EHBP1: variants seen among roughly 807,000 people sequenced by gnomAD.
EHBP1 encodes EH domain-binding protein 1.
EHBP1 carries 55 observed loss-of-function variants against 144.0 expected under a neutral mutation model. That is an observed-to-expected ratio of 0.38 (90% CI 0.31 to 0.48). The LOEUF (loss-of-function observed/expected upper bound fraction) is 0.48, where lower values mean the gene tolerates loss of function less well. EHBP1 is among the 20% of genes least tolerant of loss of function. EHBP1 has a pLI of 0.98. For missense variants in EHBP1, 1,200 were observed against 1,364.2 expected (o/e 0.88, Z 1.90); for synonymous variants, 469 against 472.7 (o/e 0.99, Z 0.10).
chr2:62,707,313 G>A lies in EHBP1; in HGVS notation c.104+18G>A. The A allele has an allele frequency of 4.4e-6, 7 of 1,596,118 alleles. No homozygotes were observed. The highest frequency in any genetic ancestry group is 6.0e-6 in the Non-Finnish European group (7 of 1,163,630). On this transcript the variant is annotated intron_variant, in intron 2 of 22. Transcript: ENST00000431489. ...AAGAAATGGTAAGATGTACCTGGAGGTAGATTTTGCTGTGCTGTGGCCTAA... is the reference window on the plus strand; with the variant it reads ...AAGAAATGGTAAGATGTACCTGGAGATAGATTTTGCTGTGCTGTGGCCTAA...
At chr2:62,949,503 T>A (rs547973660) in intron 13 of EHBP1, among the ~76,000 whole-genome samples, 1 of 152,140 alleles carries the variant, frequency 6.6e-6, no homozygotes, top group Non-Finnish European at 1.5e-5. Context: ...GGATATTGTG[T>A]AATAAGGCTA....
intron 19 of EHBP1, among the ~76,000 whole-genome samples, chr2:63,023,092 G>A (rs1448120230): frequency 6.6e-6 from 1 of 152,082 alleles, no homozygotes; most frequent in Non-Finnish European, 1.5e-5. Context: ...GAGAATCGCT[G>A]GAACCCTGGG....
intron 5 of EHBP1, among the ~76,000 whole-genome samples, chr2:62,790,439 G>A (rs1045299338): frequency 6.6e-6 from 1 of 152,070 alleles, no homozygotes; most frequent in Non-Finnish European, 1.5e-5. Flanking sequence ...ATTTGAAGTT[G>A]CATTTTATTA....
intron 1 of EHBP1, among the ~76,000 whole-genome samples, chr2:62,674,694 T>A (rs2033222264): frequency 6.6e-6 from 1 of 152,240 alleles, no homozygotes. Flanking sequence ...GATATTCACA[T>A]AATCCTCACA....
Position 62,773,513 on chromosome 2 carries a change from GTGAA to G in EHBP1, c.312+2128_312+2131del, listed in dbSNP as rs2041823780. Among the ~76,000 whole-genome samples, 11 of 151,968 alleles carry G rather than the reference GTGAA, an allele frequency of 7.2e-5. No homozygotes were observed. The South Asian group carries it at 2.3e-3, about 32-fold the overall frequency. The stretch of plus-strand genomic sequence containing the variant: ...CAATAAATATTTATTGAAGGAGTGA[GTGAA>G]TGAATGGTATAGTTAAACTCTGTGA... On this transcript the variant is annotated intron_variant, in intron 5 of 22. Coordinates refer to ENST00000431489, the MANE Select transcript of EHBP1 (RefSeq NM_001142616.3).
intron 10 of EHBP1, among the ~76,000 whole-genome samples, chr2:62,934,420 T>G (rs1248005176): frequency 6.6e-6 from 1 of 152,230 alleles, no homozygotes; most frequent in Non-Finnish European, 1.5e-5. Context: ...TGATTAACTT[T>G]CCTTTTCTTA....
intron 15 of EHBP1, among the ~76,000 whole-genome samples, chr2:62,979,722 A>G (rs1389663056): frequency 6.6e-6 from 1 of 152,184 alleles, no homozygotes; most frequent in Non-Finnish European, 1.5e-5. Flanking sequence ...ACTTAAAACA[A>G]GATCTTTAGA....
At chr2:62,992,590 G>C (rs2059458043) in intron 16 of EHBP1, among the ~76,000 whole-genome samples, 3 of 152,008 alleles carry the variant, frequency 2.0e-5, no homozygotes, top group Admixed American at 6.6e-5. Flanking sequence ...CGTTGACTTG[G>C]GTTTTAATTT....
chr2:62,709,290 A>G (rs1177661665), intron 2 of EHBP1, among the ~76,000 whole-genome samples: 1 of 152,076 alleles, frequency 6.6e-6, no homozygotes, highest in African/African-American at 2.4e-5. Flanking sequence ...GGGAGAAGAA[A>G]AGGGCTAGAT....
At chr2:62,829,507 CTCCA>C (rs2046624129) in intron 6 of EHBP1, among the ~76,000 whole-genome samples, 1 of 151,474 alleles carries the variant, frequency 6.6e-6, no homozygotes, top group Non-Finnish European at 1.5e-5. Flanking sequence ...TGGTCTCCAA[CTCCA>C]TCCAGGTTGC....
intron 5 of EHBP1, among the ~76,000 whole-genome samples, chr2:62,820,225 GAAAA>G (rs372533264): frequency 2.0e-5 from 2 of 100,668 alleles, no homozygotes; most frequent in Admixed American, 1.0e-4. Context: ...AAAAAAAAAA[GAAAA>G]AAAAAAAAAA....
chr2:62,770,743 A>G (rs2041597705), intron 4 of EHBP1, among the ~76,000 whole-genome samples: 1 of 152,242 alleles, frequency 6.6e-6, no homozygotes, highest in Admixed American at 6.5e-5. Flanking sequence ...AGTAGCAAAG[A>G]CATGGAATCA....
intron 13 of EHBP1, 52 bp downstream of exon 13, chr2:62,949,214 T>C (rs1471015489): frequency 1.4e-6 from 2 of 1,401,118 alleles, no homozygotes; most frequent in African/African-American, 2.9e-5. Context: ...TTATTCTCTG[T>C]TTTTGTTTCT....
At chr2:62,674,734 T>C (rs2033223405) in intron 1 of EHBP1, among the ~76,000 whole-genome samples, 1 of 152,222 alleles carries the variant, frequency 6.6e-6, no homozygotes, top group African/African-American at 2.4e-5. Flanking sequence ...CAGTTTATTG[T>C]TATCAGAGAA....
intron 2 of EHBP1, among the ~76,000 whole-genome samples, chr2:62,720,406 C>T (rs546289308): frequency 1.3e-5 from 2 of 152,128 alleles, no homozygotes; most frequent in Non-Finnish European, 2.9e-5. Context: ...TTCTTCCAAC[C>T]ATTTCCCTTA....
chr2:62,748,562 A>G (rs1171830538), intron 3 of EHBP1, among the ~76,000 whole-genome samples: 3 of 152,104 alleles, frequency 2.0e-5, no homozygotes, highest in African/African-American at 7.2e-5. Context: ...GAAGAGGTTG[A>G]GATGAGAGGA....
intron 1 of EHBP1, among the ~76,000 whole-genome samples, chr2:62,674,538 G>A (rs6747633): frequency 0.021 from 3,181 of 152,220 alleles, 110 homozygotes; most frequent in African/African-American, 0.072. Flanking sequence ...GTTTGAAGTG[G>A]GTTGTTTGGT....
intron 7 of EHBP1, among the ~76,000 whole-genome samples, chr2:62,852,574 C>T (rs2048755893): frequency 6.6e-6 from 1 of 151,828 alleles, no homozygotes; most frequent in African/African-American, 2.4e-5. Flanking sequence ...AAGCCTTTCC[C>T]ACTGCTTAGT....
chr2:62,978,930 C>T (rs1033292663), intron 14 of EHBP1, among the ~76,000 whole-genome samples: 8 of 152,122 alleles, frequency 5.3e-5, no homozygotes, highest in Admixed American at 2.0e-4. Flanking sequence ...GATATTTTCT[C>T]AGTAATATGT....
Sources: gnomAD v4.1 joint callset for allele counts (sites outside exome capture counted in the v4.1 genomes callset) on GRCh38, gnomAD v4.1.1 for gene constraint, MANE v1.5 for transcripts, NCBI Gene and HGNC (gene_info 2026-07-23, HGNC 2026-07-21) for gene names.